CSMD1: variants seen among roughly 807,000 people sequenced by gnomAD.
The protein encoded by CSMD1 is CUB and Sushi multiple domains 1.
Under a neutral mutation model 417.5 loss-of-function variants are expected in CSMD1, and 213 were observed. The observed-to-expected ratio is 0.51, with a 90% CI of 0.46 to 0.57. The LOEUF is 0.57. CSMD1 is among the 20% of genes least tolerant of loss of function. The probability of loss-of-function intolerance (pLI) is 0.00; values close to 1 mark genes in which losing one functional copy is unlikely to be tolerated. For synonymous variants in CSMD1, 2,862 were observed against 1,736.8 expected (o/e 1.65, Z -16.11); for missense variants, 6,923 against 4,529.7 (o/e 1.53, Z -15.17).
At chr8:4,264,009 T>A (rs910558174) in intron 3 of CSMD1, among the ~76,000 whole-genome samples, 6 of 152,150 alleles carry the variant, frequency 3.9e-5, no homozygotes, top group Non-Finnish European at 5.9e-5. Flanking sequence ...GTAAATCAGA[T>A]CGTTCTTATT....
At chr8:3,679,590 T>C (rs979580723) in intron 7 of CSMD1, among the ~76,000 whole-genome samples, 2 of 151,238 alleles carry the variant, frequency 1.3e-5, no homozygotes, top group African/African-American at 2.4e-5. Context: ...ATAATGGGAG[T>C]CTTTAACACC....
intron 5 of CSMD1, among the ~76,000 whole-genome samples, chr8:3,994,715 C>T (rs1272888922): frequency 6.6e-6 from 1 of 152,124 alleles, no homozygotes; most frequent in Non-Finnish European, 1.5e-5. Flanking sequence ...ATAATTTTGG[C>T]ACATGACATC....
At chr8:4,389,055 T>C (rs759912872) in intron 3 of CSMD1, among the ~76,000 whole-genome samples, 1 of 152,196 alleles carries the variant, frequency 6.6e-6, no homozygotes, top group Non-Finnish European at 1.5e-5. Flanking sequence ...GGTCTTATTT[T>C]ACATTTGCTT....
At chr8:4,761,912 AATCTATCTATCTATCTATCT>A (rs60693169) in intron 1 of CSMD1, among the ~76,000 whole-genome samples, 1 of 101,268 alleles carries the variant, frequency 9.9e-6, no homozygotes, top group African/African-American at 4.0e-5. Flanking sequence ...TCTATCTATC[AATCTATCTATCTATCTATCT>A]ATCTATCTAT....
intron 11 of CSMD1, among the ~76,000 whole-genome samples, chr8:3,488,339 C>T (rs1284713807): frequency 1.3e-5 from 2 of 151,992 alleles, no homozygotes; most frequent in Non-Finnish European, 2.9e-5. Context: ...AACTTTTGGC[C>T]TCAAGTATTT....
intron 3 of CSMD1, among the ~76,000 whole-genome samples, chr8:4,155,272 G>C (rs990016231): frequency 2.0e-5 from 3 of 152,174 alleles, no homozygotes; most frequent in South Asian, 2.1e-4. Flanking sequence ...ATAAGTCCGG[G>C]TGTGAATTAG....
At chr8:3,164,309 T>G (rs971692244) in intron 37 of CSMD1, among the ~76,000 whole-genome samples, 2 of 152,168 alleles carry the variant, frequency 1.3e-5, no homozygotes, top group African/African-American at 4.8e-5. Context: ...TGAAATAGAT[T>G]TTTCCTTAAA....
chr8:3,527,780 C>G (rs1406822641), intron 10 of CSMD1, among the ~76,000 whole-genome samples: 1 of 152,130 alleles, frequency 6.6e-6, no homozygotes. Context: ...CCCTTTGGAT[C>G]TGTAAGTATT....
chr8:4,449,646 G>A (rs1224664829), intron 2 of CSMD1, among the ~76,000 whole-genome samples: 1 of 152,152 alleles, frequency 6.6e-6, no homozygotes, highest in African/African-American at 2.4e-5. Flanking sequence ...AATCCACATA[G>A]ATCATGAACA....
rs114383776 is a variant in CSMD1, at chr8:4,042,563, G to A, written c.416-10464C>T. On this transcript the variant is annotated intron_variant, in intron 3 of 69. Coordinates refer to ENST00000635120, the MANE Select transcript of CSMD1 (RefSeq NM_033225.6). ...GAATATTAAAATGAGTCATTCCAGC[G>A]GAAGGTAATAGCATAGTAAGGAATT... Among the ~76,000 whole-genome samples, 1,087 of 151,932 alleles carry A rather than the reference G, an allele frequency of 7.2e-3. 10 individuals are homozygous for A. Among genetic ancestry groups the A allele is most frequent in the African/African-American group, 0.016 (676 of 41,426 alleles).
intron 2 of CSMD1, among the ~76,000 whole-genome samples, chr8:4,591,970 G>C (rs770866353): frequency 9.2e-5 from 14 of 152,096 alleles, no homozygotes; most frequent in Non-Finnish European, 1.6e-4. Flanking sequence ...GATAGATGGA[G>C]ATATTGGCAA....
At chr8:4,335,118 T>G (rs1800094418) in intron 3 of CSMD1, among the ~76,000 whole-genome samples, 1 of 152,098 alleles carries the variant, frequency 6.6e-6, no homozygotes, top group Non-Finnish European at 1.5e-5. Flanking sequence ...CCCAGATTGA[T>G]CTTCAACTTC....
intron 55 of CSMD1, among the ~76,000 whole-genome samples, chr8:2,975,508 G>C (rs1348360233): frequency 6.6e-6 from 1 of 152,126 alleles, no homozygotes; most frequent in African/African-American, 2.4e-5. Flanking sequence ...AGGTAGATTT[G>C]AACGCCTGGA....
At chr8:4,153,067 G>T (rs559959869) in intron 3 of CSMD1, among the ~76,000 whole-genome samples, 100 of 152,236 alleles carry the variant, frequency 6.6e-4, no homozygotes, top group Non-Finnish European at 1.2e-3. Flanking sequence ...AGTTTTTGAA[G>T]GGGGTATGAT....
At chr8:4,131,756 CTT>C (rs10650865) in intron 3 of CSMD1, among the ~76,000 whole-genome samples, 13,952 of 85,190 alleles carry the variant, frequency 0.16, 228 homozygotes, top group East Asian at 0.26. Context: ...ACAAATGTGA[CTT>C]TTTTTTTTTT....
At chr8:3,990,593 C>G (rs998821475) in intron 5 of CSMD1, among the ~76,000 whole-genome samples, 1 of 152,178 alleles carries the variant, frequency 6.6e-6, no homozygotes, top group Non-Finnish European at 1.5e-5. Flanking sequence ...AATACGTATT[C>G]TTTGAAATAG....
intron 7 of CSMD1, among the ~76,000 whole-genome samples, chr8:3,707,257 T>G (rs1484761172): frequency 6.6e-6 from 1 of 152,230 alleles, no homozygotes; most frequent in East Asian, 1.9e-4. Context: ...GAATATTTGT[T>G]GCATATAAAA....
intron 12 of CSMD1, among the ~76,000 whole-genome samples, chr8:3,412,277 G>A (rs1318026336): frequency 8.6e-5 from 13 of 151,330 alleles, no homozygotes; most frequent in Admixed American, 8.6e-4. Flanking sequence ...TTTTGCAATT[G>A]CAAATTGTGC....
At chr8:4,155,939 T>C (rs2131073501) in intron 3 of CSMD1, among the ~76,000 whole-genome samples, 1 of 152,298 alleles carries the variant, frequency 6.6e-6, no homozygotes, top group East Asian at 1.9e-4. Flanking sequence ...GCCCAGGTGT[T>C]CTGCAGCTGC....
Sources: gnomAD v4.1 joint callset for allele counts (sites outside exome capture counted in the v4.1 genomes callset) on GRCh38, gnomAD v4.1.1 for gene constraint, MANE v1.5 for transcripts, NCBI Gene and HGNC (gene_info 2026-07-23, HGNC 2026-07-21) for gene names.